The following MTCL2 variants were observed in gnomAD, a reference collection of about 807,000 sequenced individuals.
MTCL2 encodes microtubule cross-linking factor 2.
chr20:36,799,201 A>G, the MTCL2 span, among the ~76,000 whole-genome samples: 1 of 151,964 alleles, frequency 6.6e-6, no homozygotes, highest in Non-Finnish European at 1.5e-5. Flanking sequence ...ACAAAAAAAT[A>G]CAAAAGTTGC....
chr20:36,802,853 C>T, the MTCL2 span: 1 of 1,572,836 alleles, frequency 6.4e-7, no homozygotes, highest in East Asian at 2.3e-5. Flanking sequence ...GGGTGGGCCT[C>T]ACCTGGCTTA....
At chr20:36,820,401 A>G in the MTCL2 span, among the ~76,000 whole-genome samples, 1 of 152,226 alleles carries the variant, frequency 6.6e-6, no homozygotes, top group Admixed American at 6.5e-5. Context: ...AGATTCACTG[A>G]CATGGTAAAG....
At chr20:36,841,155 CAAAAAAAA>C in the MTCL2 span, among the ~76,000 whole-genome samples, 63 of 40,348 alleles carry the variant, frequency 1.6e-3, 1 homozygote, top group South Asian at 5.3e-3. Flanking sequence ...ACTAAAAATA[CAAAAAAAA>C]AAAAAAAAAA....
the MTCL2 span, among the ~76,000 whole-genome samples, chr20:36,798,199 G>A: frequency 0.9 from 136,674 of 152,100 alleles, 61,928 homozygotes; most frequent in African/African-American, 0.98. Flanking sequence ...CCTCCCGAGT[G>A]GCTGGCATTT....
the MTCL2 span, among the ~76,000 whole-genome samples, chr20:36,855,739 C>G: frequency 3.3e-4 from 50 of 152,180 alleles, no homozygotes; most frequent in Admixed American, 8.5e-4. Context: ...TCTGAGCTGT[C>G]AGCCTCCCAA....
the MTCL2 span, among the ~76,000 whole-genome samples, chr20:36,853,057 CAA>C: frequency 3.4e-4 from 24 of 71,318 alleles, no homozygotes; most frequent in Admixed American, 6.5e-4. Flanking sequence ...ACTTCGTCTC[CAA>C]AAAAAAAAAA....
At chr20:36,816,206 C>A in the MTCL2 span, 1 of 1,613,630 alleles carries the variant, frequency 6.2e-7, no homozygotes, top group Non-Finnish European at 8.5e-7. Flanking sequence ...GCTCCTCCTT[C>A]ATGCTGTCAT....
At chr20:36,854,669 A>G in the MTCL2 span, among the ~76,000 whole-genome samples, 9 of 152,146 alleles carry the variant, frequency 5.9e-5, no homozygotes, top group Non-Finnish European at 7.3e-5. Flanking sequence ...ACTCGAGCCC[A>G]GAAGACCCAA....
the MTCL2 span, among the ~76,000 whole-genome samples, chr20:36,822,932 T>C: frequency 6.6e-6 from 1 of 152,144 alleles, no homozygotes; most frequent in Admixed American, 6.6e-5. Flanking sequence ...TAATTTTTTG[T>C]ATTTTTTGTA....
the MTCL2 span, among the ~76,000 whole-genome samples, chr20:36,813,686 G>A: frequency 7.2e-6 from 1 of 139,752 alleles, no homozygotes; most frequent in African/African-American, 2.6e-5. Flanking sequence ...ACAGGAGGCG[G>A]AGGTTGCAGT....
At chr20:36,810,137 G>A in the MTCL2 span, 18 of 1,564,836 alleles carry the variant, frequency 1.2e-5, no homozygotes, top group Non-Finnish European at 1.6e-5. Flanking sequence ...CACAGATAAT[G>A]AGGAGGGAGA....
the MTCL2 span, chr20:36,815,056 T>C: frequency 4.9e-6 from 7 of 1,441,998 alleles, no homozygotes; most frequent in South Asian, 1.4e-5. This position sits in a 1 kb window ranked among gnomAD's most constrained non-coding sequence, Gnocchi z 5.3. Context: ...GGAGAGACCC[T>C]ATCTCAAGAA....
At chr20:36,862,652 C>T in the MTCL2 span, 1 of 1,493,942 alleles carries the variant, frequency 6.7e-7, no homozygotes, top group South Asian at 1.3e-5. Flanking sequence ...ACCCGGGCGC[C>T]CCCACCTTGA....
the MTCL2 span, chr20:36,809,940 G>C: frequency 6.4e-7 from 1 of 1,573,686 alleles, no homozygotes; most frequent in Admixed American, 1.8e-5. Flanking sequence ...GCTCAGAGAG[G>C]CTGTAGGAAT....
the MTCL2 span, among the ~76,000 whole-genome samples, chr20:36,821,574 C>T: frequency 2.0e-5 from 3 of 151,888 alleles, no homozygotes; most frequent in East Asian, 3.9e-4. Flanking sequence ...TATTCTTAGC[C>T]GGGTGTTGTG....
the MTCL2 span, among the ~76,000 whole-genome samples, chr20:36,842,812 A>G: frequency 7.9e-5 from 12 of 152,176 alleles, no homozygotes; most frequent in Admixed American, 6.5e-4. Flanking sequence ...CCAGGGATGA[A>G]TGACCTGCTA....
At chr20:36,812,749 G>A in the MTCL2 span, 3 of 1,614,014 alleles carry the variant, frequency 1.9e-6, no homozygotes, top group Admixed American at 5.0e-5. Flanking sequence ...AAGGCCTGAA[G>A]CTCCGGCTGG....
chr20:36,841,701 T>G, the MTCL2 span, among the ~76,000 whole-genome samples: 1 of 152,100 alleles, frequency 6.6e-6, no homozygotes, highest in African/African-American at 2.4e-5. Flanking sequence ...GGGATTTGTT[T>G]GCTTGCTTTT....
chr20:36,821,527 TCAAAAACAAGAA>T, the MTCL2 span, among the ~76,000 whole-genome samples: 3 of 151,748 alleles, frequency 2.0e-5, no homozygotes, highest in East Asian at 5.8e-4. Context: ...AAACTCTGTC[TCAAAAACAAGAA>T]CAAAAACAAA....
Sources: gnomAD v4.1 joint callset for allele counts (sites outside exome capture counted in the v4.1 genomes callset) on GRCh38, gnomAD v4.1.1 for gene constraint, Gnocchi (gnomAD v3.1) non-coding constraint, MANE v1.5 for transcripts, NCBI Gene and HGNC (gene_info 2026-07-23, HGNC 2026-07-21) for gene names.